The following TM6SF1 variants were observed in gnomAD, a reference collection of about 807,000 sequenced individuals.
The protein encoded by TM6SF1 is transmembrane 6 superfamily member 1.
TM6SF1 carries 43 observed loss-of-function variants against 47.1 expected under a neutral mutation model. That is an observed-to-expected ratio of 0.91 (90% confidence interval 0.72 to 1.18). The LOEUF is 1.18. Among genes scored for constraint, TM6SF1 ranks in the 50% most tolerant of loss-of-function variants. TM6SF1 has a pLI of 0.00. For synonymous variants in TM6SF1, 177 were observed against 166.3 expected (o/e 1.06, Z -0.49); for missense variants, 390 against 449.0 (o/e 0.87, Z 1.19).
chr15:83,136,141 T>A (rs926526127), intron 9 of TM6SF1: 6 of 184,802 alleles, frequency 3.2e-5, no homozygotes, highest in African/African-American at 1.4e-4. Flanking sequence ...AGAAAAAAAT[T>A]TGAGATTTTA....
chr15:83,107,652 G>C lies in TM6SF1; in HGVS notation c.-29G>C. The C allele has an allele frequency of 1.3e-6, 2 of 1,518,390 alleles. No homozygotes were observed. The highest frequency in any genetic ancestry group is 1.8e-6 in the Non-Finnish European group (2 of 1,132,486). The allele number at this position is 1,518,390 out of a possible 1,614,324, so 94.1% of individuals were successfully genotyped here. A position where few individuals can be genotyped will look rare whatever the true frequency, so the allele number is the denominator to read the frequency against. ...TGGGGCGGGGCGCCCAGCGGGATGCGGTGAAGGGCGAGCGGCGCGGCGGCT... is the reference window on the plus strand; with the variant it reads ...TGGGGCGGGGCGCCCAGCGGGATGCCGTGAAGGGCGAGCGGCGCGGCGGCT... On this transcript the variant is annotated 5_prime_UTR_variant, in exon 1 of 10. Coordinates refer to ENST00000322019, the MANE Select transcript of TM6SF1 (RefSeq NM_023003.5). This position sits in a 1 kb window ranked among gnomAD's most constrained non-coding sequence, Gnocchi z 5.6.
intron 5 of TM6SF1, 46 bp from the exon 6 acceptor site, chr15:83,122,711 T>C (rs766446510): frequency 6.2e-7 from 1 of 1,602,682 alleles, no homozygotes; most frequent in Admixed American, 1.7e-5. Flanking sequence ...TTACTTGTGT[T>C]AGATATGCTT....
chr15:83,135,186 T>C (rs548844435), intron 9 of TM6SF1: 1 of 152,322 alleles, frequency 6.6e-6, no homozygotes, highest in East Asian at 1.9e-4. Context: ...ATGCAGCCCA[T>C]TAAAATATCT....
intron 1 of TM6SF1, chr15:83,111,705 C>T: frequency 1.0e-6 from 1 of 984,626 alleles, no homozygotes; most frequent in Non-Finnish European, 1.2e-6. Context: ...TTGGAGTGGG[C>T]CAGGTAGTAT....
Position 83,107,860 on chromosome 15 carries a change from G to T in TM6SF1, c.92+88G>T. 1.4e-5 allele frequency: 20 copies of T among 1,432,116 alleles called. No homozygotes were observed. The highest frequency in any genetic ancestry group is 1.8e-5 in the Non-Finnish European group (20 of 1,088,516). 88.7% of individuals were successfully genotyped at this position (1,432,116 alleles called of 1,614,324 possible). ...GGAGCCTCGCAACTTTTCCGAGGGG[G>T]CTGGGACCGTCCGCCGCGGGACAGA... On this transcript the variant is annotated intron_variant, in intron 1 of 9. Coordinates refer to ENST00000322019, the MANE Select transcript of TM6SF1 (RefSeq NM_023003.5). This position sits in a 1 kb window ranked among gnomAD's most constrained non-coding sequence, Gnocchi z 5.6.
At position 83,121,905 on chromosome 15, in the gene TM6SF1, G is replaced by A. The variant is rs190032138; in HGVS notation, c.399-16G>A. ...AAACATACCAAGTCAAGATTTTTTTGTTGTTGTTGTTACAGGGAAACTTAT... is the reference window on the plus strand; with the variant it reads ...AAACATACCAAGTCAAGATTTTTTTATTGTTGTTGTTACAGGGAAACTTAT... On this transcript the variant is annotated splice_polypyrimidine_tract_variant and intron_variant, in intron 4 of 9. Transcript: ENST00000322019. The A allele has an allele frequency of 2.5e-6, 4 of 1,569,016 alleles. No individual in the cohort carries two copies. Among genetic ancestry groups the A allele is most frequent in the Non-Finnish European group, 3.5e-6 (4 of 1,156,660 alleles).
chr15:83,127,200 TAAATAAATA>T (rs2035845920), intron 8 of TM6SF1, among the ~76,000 whole-genome samples, 149 bp from the exon 9 acceptor site: 1 of 133,576 alleles, frequency 7.5e-6, no homozygotes, highest in Non-Finnish European at 1.6e-5. Flanking sequence ...CCTAAAAAAA[TAAATAAATA>T]AAAATAAAAG....
At chr15:83,134,673 C>G (rs2036494883) in intron 9 of TM6SF1, 1 of 152,256 alleles carries the variant, frequency 6.6e-6, no homozygotes, top group African/African-American at 2.4e-5. Context: ...TTTATTCTCT[C>G]AAAGTATGGT....
rs543448055 is a variant in TM6SF1 at position 83,126,930 on chromosome 15, C to G, written c.801+83C>G. ...GGTCCCAGCTGGGTGCGGTGGCTCACGCCTGTAATCCCAGCACTTTGGGAG... is the reference window on the plus strand; with the variant it reads ...GGTCCCAGCTGGGTGCGGTGGCTCAGGCCTGTAATCCCAGCACTTTGGGAG... On this transcript the variant is annotated intron_variant, in intron 8 of 9. Coordinates refer to ENST00000322019, the MANE Select transcript of TM6SF1 (RefSeq NM_023003.5). The G allele has an allele frequency of 4.7e-6, 5 of 1,068,246 alleles. No homozygotes were observed. In the South Asian group the frequency reaches 7.0e-5, roughly 15 times the overall value. 66.2% of individuals were successfully genotyped at this position (1,068,246 alleles called of 1,614,324 possible).
At chr15:83,117,803 G>A (rs2034809723) in intron 3 of TM6SF1, among the ~76,000 whole-genome samples, 1 of 152,102 alleles carries the variant, frequency 6.6e-6, no homozygotes, top group Admixed American at 6.5e-5. Context: ...CAAGAGCCAG[G>A]CCTTGAGAAT....
intron 1 of TM6SF1, among the ~76,000 whole-genome samples, chr15:83,108,569 G>C (rs887486881): frequency 2.0e-5 from 3 of 152,200 alleles, no homozygotes; most frequent in African/African-American, 7.2e-5. Context: ...CTCCACTGCA[G>C]GGATCACGGA....
At chr15:83,118,207 G>A (rs1018262427) in intron 3 of TM6SF1, among the ~76,000 whole-genome samples, 11 of 151,828 alleles carry the variant, frequency 7.2e-5, no homozygotes, top group Non-Finnish European at 1.3e-4. Context: ...CCGGGTGACA[G>A]AGTGAGACCC....
At chr15:83,132,247 T>C (rs2036303486) in intron 9 of TM6SF1, 1 of 152,248 alleles carries the variant, frequency 6.6e-6, no homozygotes, top group Admixed American at 6.5e-5. Context: ...CCAGTAAGAA[T>C]TTGGAGATAT....
At chr15:83,132,657 G>C (rs543255793) in intron 9 of TM6SF1, 1 of 152,236 alleles carries the variant, frequency 6.6e-6, no homozygotes, top group African/African-American at 2.4e-5. Context: ...GCATCCCAAA[G>C]TGCTGGGATT....
At chr15:83,131,749 T>C (rs927301260) in intron 9 of TM6SF1, 3 of 152,132 alleles carry the variant, frequency 2.0e-5, no homozygotes, top group African/African-American at 7.2e-5. Context: ...TAAAAGAAGA[T>C]TGAATAAAAT....
At chr15:83,130,139 TG>T in intron 9 of TM6SF1, 1 of 152,378 alleles carries the variant, frequency 6.6e-6, no homozygotes, top group East Asian at 1.9e-4. Flanking sequence ...GACCAGATGT[TG>T]GACCTGGTCA....
At chr15:83,129,518 G>A (rs2036056654) in intron 9 of TM6SF1, 1 of 152,108 alleles carries the variant, frequency 6.6e-6, no homozygotes, top group African/African-American at 2.4e-5. Flanking sequence ...AAGATGAGGA[G>A]GCTGAGGCTC....
chr15:83,118,983 A>G (rs1298405077), intron 3 of TM6SF1, among the ~76,000 whole-genome samples: 1 of 152,178 alleles, frequency 6.6e-6, no homozygotes, highest in East Asian at 1.9e-4. Context: ...TTGTAATCTC[A>G]GAGCATCTGT....
chr15:83,127,769 T>C, intron 9 of TM6SF1: 1 of 322,186 alleles, frequency 3.1e-6, no homozygotes, highest in Non-Finnish European at 5.8e-6. Flanking sequence ...ATTGTTGTTT[T>C]ATTGGACTGT....
Sources: allele counts gnomAD v4.1 joint callset (sites outside exome capture counted in the v4.1 genomes callset), GRCh38; gene constraint gnomAD v4.1.1; non-coding constraint Gnocchi (gnomAD v3.1); transcripts MANE v1.5; gene names NCBI Gene and HGNC (gene_info 2026-07-23, HGNC 2026-07-21).